The following QSER1 variants were observed in gnomAD, a reference collection of about 807,000 sequenced individuals.
The protein encoded by QSER1 is glutamine and serine-rich protein 1.
Under a neutral mutation model 158.5 loss-of-function variants are expected in QSER1, and 49 were observed. The ratio of observed to expected loss-of-function variants is 0.31; its 90% confidence interval spans 0.25 to 0.39. QSER1 has a LOEUF of 0.39. Among genes scored for constraint, QSER1 ranks in the 10% least tolerant of loss-of-function variants. The pLI, the probability that QSER1 is intolerant of heterozygous loss-of-function variation, is 1.00. For missense variants in QSER1, 1,754 were observed against 2,010.3 expected (o/e 0.87, Z 2.44); for synonymous variants, 650 against 715.5 (o/e 0.91, Z 1.46).
chr11:32,935,006 T>A lies in QSER1; in HGVS notation c.3748T>A (p.Cys1250Ser), dbSNP rs778938562. 1.9e-6 allele frequency: 3 copies of A among 1,614,114 alleles called. No individual in the cohort carries two copies. In the East Asian group the frequency reaches 6.7e-5, roughly 36 times the overall value. Residue 1250 changes from cysteine to serine, a missense_variant, in exon 4 of 13, where the codon TGC becomes AGC. Cys to Ser is a moderately radical substitution (Grantham distance 112). This residue lies in a region of QSER1 where 1,707 missense variants were observed against 1,919.6 expected (regional missense o/e 0.89). Transcript: ENST00000650167. ...GTATACTCCTCCTTCCTCAGAAAGC[T>A]GCCATGATGGTTATCAGCATCAAGA... ...LPYTPPSSES[C>S]HDGYQHQEKM...
intron 1 of QSER1, among the ~76,000 whole-genome samples, chr11:32,908,708 A>C (rs902306536): frequency 6.6e-6 from 1 of 152,234 alleles, no homozygotes; most frequent in African/African-American, 2.4e-5. Flanking sequence ...TGGTTATTGC[A>C]AATAATGCTG....
In QSER1 at chr11:32,895,646, A is replaced by G. The variant is rs142090841; in HGVS notation, c.209+2312A>G. On this transcript the variant is annotated intron_variant, in intron 1 of 12. Transcript: ENST00000650167. ...AATGAGTACTAGTTGTGATGATGTA[A>G]TATGGATACTTATCCATAAAGAATT... Among the ~76,000 whole-genome samples the G allele has an allele frequency of 3.7e-3, 570 of 152,302 alleles. 4 individuals are homozygous for G. The highest frequency in any genetic ancestry group is 0.013 in the African/African-American group (538 of 41,562).
chr11:32,930,901 T>C (rs572297491), intron 3 of QSER1, among the ~76,000 whole-genome samples: 1 of 152,250 alleles, frequency 6.6e-6, no homozygotes, highest in Non-Finnish European at 1.5e-5. Flanking sequence ...GACAGTACTT[T>C]GTTAATTTCT....
chr11:32,946,765 A>G (rs6484612), intron 4 of QSER1, among the ~76,000 whole-genome samples: 144,659 of 151,720 alleles, frequency 0.95, 69,046 homozygotes, highest in East Asian at 1. Flanking sequence ...CACCCAGTTC[A>G]AGCTTCCCGG....
At chr11:32,970,880 C>A (rs568036026) in intron 10 of QSER1, among the ~76,000 whole-genome samples, 3 of 149,678 alleles carry the variant, frequency 2.0e-5, no homozygotes, top group African/African-American at 4.9e-5. Context: ...CAAACCAGTT[C>A]TCTAACAAGA....
intron 7 of QSER1, 106 bp from the exon 8 acceptor site, chr11:32,957,763 G>T (rs1427235507): frequency 1.1e-6 from 1 of 883,050 alleles, no homozygotes; most frequent in East Asian, 2.6e-5. Context: ...AGGTATTGGT[G>T]AGAGTAATTA....
In QSER1 at chr11:32,954,293, A is replaced by G. The variant is rs558218545; in HGVS notation, c.4500+114A>G. The G allele has an allele frequency of 2.5e-6, 3 of 1,198,728 alleles. No individual in the cohort carries two copies. In the African/African-American group the frequency reaches 4.6e-5, roughly 18 times the overall value. 74.3% of individuals were successfully genotyped at this position (1,198,728 alleles called of 1,614,324 possible). A position where few individuals can be genotyped will look rare whatever the true frequency, so the allele number is the denominator to read the frequency against. ...CTTTGAATTATGGGAAGTTTTATGC[A>G]TTATAAGTGTTTGATAAAATCAAAA... On this transcript the variant is annotated intron_variant, in intron 5 of 12. Transcript: ENST00000650167.
chr11:32,962,795 A>G (rs1375324241), intron 8 of QSER1, among the ~76,000 whole-genome samples: 1 of 152,278 alleles, frequency 6.6e-6, no homozygotes, highest in African/African-American at 2.4e-5. Context: ...TGAAATCTCA[A>G]ATTTTATCAT....
At chr11:32,952,776 A>T (rs1590177283) in intron 4 of QSER1, among the ~76,000 whole-genome samples, 3 of 128,582 alleles carry the variant, frequency 2.3e-5, no homozygotes, top group Non-Finnish European at 1.7e-5. Flanking sequence ...GTATTGGGGT[A>T]TTCAGATTTT....
chr11:32,975,544 C>T (rs760269876), intron 12 of QSER1: 32 of 1,428,364 alleles, frequency 2.2e-5, no homozygotes, highest in Middle Eastern at 1.8e-4. Flanking sequence ...CCGAGCCTCA[C>T]CACCTCTTGT....
At chr11:32,900,316 C>T (rs1466910401) in intron 1 of QSER1, among the ~76,000 whole-genome samples, 1 of 152,180 alleles carries the variant, frequency 6.6e-6, no homozygotes, top group Non-Finnish European at 1.5e-5. Context: ...AATCCCAGCA[C>T]TTTGGGAGAC....
In QSER1 at chr11:32,963,935, G is replaced by A. The variant is rs144394509; in HGVS notation, c.4970-2365G>A. 3.7e-4 allele frequency among the ~76,000 whole-genome samples: 56 copies of A among 152,230 alleles called. 2 individuals carry two copies. The East Asian group carries it at 0.011, about 29-fold the overall frequency. On this transcript the variant is annotated intron_variant, in intron 8 of 12. Coordinates refer to ENST00000650167, the MANE Select transcript of QSER1 (RefSeq NM_001076786.3). The stretch of plus-strand genomic sequence containing the variant: ...TCCTGCTTCAGCCTTCCAGAGTGCT[G>A]GGATTATAGGCATGAGTCACCTCAC...
In QSER1 at chr11:32,932,951, C is replaced by G. The variant is rs1319734998; in HGVS notation, c.1693C>G (p.Pro565Ala). 1 of 1,613,350 alleles carries G rather than the reference C, an allele frequency of 6.2e-7. No homozygotes were observed. The highest frequency in any genetic ancestry group is 8.5e-7 in the Non-Finnish European group (1 of 1,179,934). The change falls in exon 4 of 13, where the codon CCA becomes GCA. Residue 565 changes from proline to alanine, a missense_variant. Pro to Ala is a conservative substitution (Grantham distance 27). Around this residue, in one of 2 missense-constraint regions of QSER1, gnomAD observed 1,707 missense variants for 1,919.6 expected, o/e 0.89. Coordinates refer to ENST00000650167, the MANE Select transcript of QSER1 (RefSeq NM_001076786.3). ...YSSGHSQGLS[P>A]VSQTQVSYSS... The stretch of plus-strand genomic sequence containing the variant: ...ATCTGGTCACTCTCAGGGTTTATCA[C>G]CAGTTAGCCAGACACAGGTTAGCTA...
chr11:32,920,413 TAAA>T (rs1217886071), intron 1 of QSER1, among the ~76,000 whole-genome samples: 2 of 152,136 alleles, frequency 1.3e-5, no homozygotes, highest in Non-Finnish European at 2.9e-5. Context: ...AAGCTAAAAC[TAAA>T]AAACTCTTAG....
chr11:32,898,168 T>C (rs531574587), intron 1 of QSER1, among the ~76,000 whole-genome samples: 3 of 152,278 alleles, frequency 2.0e-5, no homozygotes, highest in Non-Finnish European at 4.4e-5. Flanking sequence ...CTCCTACATA[T>C]TAGGGTCACA....
chr11:32,966,585 A>G, intron 9 of QSER1, 148 bp downstream of exon 9: 1 of 658,706 alleles, frequency 1.5e-6, no homozygotes, highest in Non-Finnish European at 2.3e-6. Flanking sequence ...ATTCCATAAA[A>G]TGGTCATATC....
intron 4 of QSER1, among the ~76,000 whole-genome samples, chr11:32,937,658 A>T (rs1017449495): frequency 6.6e-6 from 1 of 152,218 alleles, no homozygotes; most frequent in African/African-American, 2.4e-5. Flanking sequence ...CTTTATAAAA[A>T]AGGAAAGCTG....
intron 1 of QSER1, among the ~76,000 whole-genome samples, chr11:32,916,820 TCTGTTGCCCAGGCTGGA>T (rs1851837224): frequency 6.6e-6 from 1 of 151,120 alleles, no homozygotes; most frequent in Admixed American, 6.6e-5. Flanking sequence ...AGAGTCTCGC[TCTGTTGCCCAGGCTGGA>T]GTGCAGTGGC....
chr11:32,960,378 G>A (rs1852601212), intron 8 of QSER1, among the ~76,000 whole-genome samples: 1 of 152,010 alleles, frequency 6.6e-6, no homozygotes, highest in East Asian at 1.9e-4. Context: ...CCAACACGGT[G>A]AAACCCTGTC....
Sources: allele counts gnomAD v4.1 joint callset (sites outside exome capture counted in the v4.1 genomes callset), GRCh38; gene constraint gnomAD v4.1.1; regional missense constraint gnomAD v4.1.1; transcripts MANE v1.5; gene names NCBI Gene and HGNC (gene_info 2026-07-23, HGNC 2026-07-21).